Variants in KCNAB1 observed in about 807,000 individuals in gnomAD.
KCNAB1 encodes voltage-gated potassium channel subunit beta-1.
KCNAB1 carries 35 observed loss-of-function variants against 64.6 expected under a neutral mutation model. The ratio of observed to expected loss-of-function variants is 0.54; its 90% CI spans 0.41 to 0.72. The LOEUF is 0.72. Ranked by LOEUF, KCNAB1 falls within the 30% of genes least tolerant of loss-of-function variation. KCNAB1 has a pLI of 0.00. For synonymous variants in KCNAB1, 177 were observed against 183.8 expected, an observed-to-expected ratio of 0.96 and a Z score of 0.30; for missense variants, 401 against 512.9, an observed-to-expected ratio of 0.78 and a Z score of 2.11.
intron 1 of KCNAB1, among the ~76,000 whole-genome samples, chr3:156,298,634 A>G (rs370579293): frequency 7.9e-5 from 12 of 152,148 alleles, no homozygotes; most frequent in African/African-American, 2.9e-4. Flanking sequence ...ACAGTATGAG[A>G]TTTGGATTCA....
At chr3:156,164,815 T>C (rs1032665229) in intron 1 of KCNAB1, among the ~76,000 whole-genome samples, 4 of 152,206 alleles carry the variant, frequency 2.6e-5, no homozygotes, top group African/African-American at 9.7e-5. Context: ...ACACTCCATC[T>C]CTTTTTGTAG....
chr3:156,528,131 A>C (rs933255794), intron 12 of KCNAB1, among the ~76,000 whole-genome samples: 1 of 151,564 alleles, frequency 6.6e-6, no homozygotes, highest in African/African-American at 2.4e-5. Context: ...ACTACCTTTA[A>C]GGCCAAAAAT....
chr3:156,190,677 TA>T (rs1401874465), intron 1 of KCNAB1, among the ~76,000 whole-genome samples: 1 of 151,886 alleles, frequency 6.6e-6, no homozygotes, highest in Non-Finnish European at 1.5e-5. Flanking sequence ...GTCTAGAAAA[TA>T]GGAAAGCACT....
chr3:156,331,107 C>G (rs1275070542), intron 1 of KCNAB1, among the ~76,000 whole-genome samples: 1 of 152,168 alleles, frequency 6.6e-6, no homozygotes, highest in African/African-American at 2.4e-5. Context: ...TTGTCCATCA[C>G]TGATAATCAG....
chr3:156,514,985 A>G (rs1014627716), intron 9 of KCNAB1, 115 bp from the exon 10 acceptor site: 5 of 1,036,948 alleles, frequency 4.8e-6, no homozygotes, highest in Admixed American at 2.8e-5. Context: ...GGCATCCTAC[A>G]TGTTTCTTGG....
chr3:156,443,213 C>T (rs994443762), intron 2 of KCNAB1, among the ~76,000 whole-genome samples: 1 of 152,144 alleles, frequency 6.6e-6, no homozygotes, highest in Non-Finnish European at 1.5e-5. Context: ...GCCGCCCCCT[C>T]AACAGGCCCC....
At chr3:156,470,338 A>C (rs1559901537) in intron 7 of KCNAB1, among the ~76,000 whole-genome samples, 1 of 152,132 alleles carries the variant, frequency 6.6e-6, no homozygotes, top group Non-Finnish European at 1.5e-5. Context: ...ATTTGAGCCA[A>C]TCTTAGAATT....
chr3:156,529,594 A>G (rs1285315986), intron 12 of KCNAB1, among the ~76,000 whole-genome samples: 2 of 152,050 alleles, frequency 1.3e-5, no homozygotes, highest in African/African-American at 4.8e-5. Flanking sequence ...TGAATCAGAA[A>G]CTCAGCGGGT....
intron 1 of KCNAB1, among the ~76,000 whole-genome samples, chr3:156,376,295 G>A (rs1003880502): frequency 6.6e-5 from 10 of 152,216 alleles, no homozygotes; most frequent in African/African-American, 2.4e-4. Flanking sequence ...AGGCACTGGA[G>A]TAGATGAAGA....
At chr3:156,496,275 A>G (rs1241494434) in intron 8 of KCNAB1, among the ~76,000 whole-genome samples, 1 of 152,128 alleles carries the variant, frequency 6.6e-6, no homozygotes, top group African/African-American at 2.4e-5. Flanking sequence ...CTCATCTTGA[A>G]TTGTAGCTCC....
chr3:156,362,366 C>A (rs1033381271), intron 1 of KCNAB1, among the ~76,000 whole-genome samples: 2 of 152,204 alleles, frequency 1.3e-5, no homozygotes, highest in Non-Finnish European at 2.9e-5. Context: ...ATACTGTGCT[C>A]ATGTGAACTT....
rs11926029 is a variant in KCNAB1, at chr3:156,477,348, C to G, written c.658+2528C>G. On this transcript the variant is annotated intron_variant, in intron 8 of 13. Transcript: ENST00000490337. The stretch of plus-strand genomic sequence containing the variant: ...ATTTTATCCTGAGTCATTTTCCAAG[C>G]TCAGAAGCATAATGAAGGGTGTCAA... 4.4e-3 allele frequency among the ~76,000 whole-genome samples: 675 copies of G among 152,016 alleles called. 6 individuals carry two copies. The highest frequency in any genetic ancestry group is 0.016 in the African/African-American group (648 of 41,512).
At chr3:156,386,204 G>A (rs1333366006) in intron 1 of KCNAB1, among the ~76,000 whole-genome samples, 1 of 152,240 alleles carries the variant, frequency 6.6e-6, no homozygotes, top group African/African-American at 2.4e-5. Flanking sequence ...AGAGACCCAA[G>A]TGAGTAACTT....
intron 1 of KCNAB1, among the ~76,000 whole-genome samples, chr3:156,253,446 C>A (rs1214134612): frequency 2.0e-5 from 3 of 152,154 alleles, no homozygotes; most frequent in Non-Finnish European, 2.9e-5. Context: ...AGCAGCAGGG[C>A]TGAGTGCTAT....
At position 156,283,759 on chromosome 3, in the gene KCNAB1, G is replaced by A. The variant is rs1235748781; in HGVS notation, c.276-137857G>A. Among the ~76,000 whole-genome samples, 7 of 151,976 alleles carry A rather than the reference G, an allele frequency of 4.6e-5. No homozygotes were observed. In the East Asian group the frequency reaches 1.2e-3, roughly 25 times the overall value. ...ACCCTTTCTTCCAGTTGATCGCATTGGCTCCTGAGGCTTCTGCATTCTTCA... is the reference window on the plus strand; with the variant it reads ...ACCCTTTCTTCCAGTTGATCGCATTAGCTCCTGAGGCTTCTGCATTCTTCA... On this transcript the variant is annotated intron_variant, in intron 1 of 13. Transcript: ENST00000490337.
chr3:156,376,008 T>C (rs1004338841), intron 1 of KCNAB1, among the ~76,000 whole-genome samples: 1 of 152,164 alleles, frequency 6.6e-6, no homozygotes, highest in Non-Finnish European at 1.5e-5. Flanking sequence ...TTAGTAGAGA[T>C]GGGGTTTCAC....
At chr3:156,137,417 A>C (rs569684914) in intron 1 of KCNAB1, among the ~76,000 whole-genome samples, 76 of 152,186 alleles carry the variant, frequency 5.0e-4, no homozygotes, top group African/African-American at 1.7e-3. Flanking sequence ...CCCCTCCCCT[A>C]TCCTACCAGG....
intron 1 of KCNAB1, among the ~76,000 whole-genome samples, chr3:156,340,339 T>G (rs1458800878): frequency 6.6e-6 from 1 of 152,228 alleles, no homozygotes; most frequent in Non-Finnish European, 1.5e-5. Flanking sequence ...AGAAAAATTA[T>G]TCTACTAAAT....
chr3:156,521,444 G>GC (rs997600264), intron 11 of KCNAB1, among the ~76,000 whole-genome samples: 1 of 152,154 alleles, frequency 6.6e-6, no homozygotes, highest in African/African-American at 2.4e-5. Context: ...TATTGGTTGA[G>GC]CCCCTCCTCC....
Sources: allele counts gnomAD v4.1 joint callset (sites outside exome capture counted in the v4.1 genomes callset), GRCh38; gene constraint gnomAD v4.1.1; transcripts MANE v1.5; gene names NCBI Gene and HGNC (gene_info 2026-07-23, HGNC 2026-07-21).